Variants in AVL9 observed in about 807,000 individuals in gnomAD.
The protein encoded by AVL9 is AVL9 cell migration associated, also known as late secretory pathway protein AVL9 homolog.
In AVL9, 49 loss-of-function variants were observed where a neutral mutation model predicts 79.2. The ratio of observed to expected loss-of-function variants is 0.62; its 90% confidence interval spans 0.49 to 0.79. The LOEUF (loss-of-function observed/expected upper bound fraction) is 0.79, where lower values mean the gene tolerates loss of function less well. AVL9 is among the 30% of genes least tolerant of loss of function. AVL9 has a pLI of 0.00. For missense variants in AVL9, 682 were observed against 776.8 expected, an observed-to-expected ratio of 0.88 and a Z score of 1.45; for synonymous variants, 299 against 280.6, an observed-to-expected ratio of 1.07 and a Z score of -0.65.
Position 32,576,570 on chromosome 7 carries a change from G to A in AVL9, c.1688+498G>A, listed in dbSNP as rs186826751. 4.6e-5 allele frequency among the ~76,000 whole-genome samples: 7 copies of A among 152,060 alleles called. No homozygotes were observed. The East Asian group carries it at 1.4e-3, about 30-fold the overall frequency. On this transcript the variant is annotated intron_variant, in intron 13 of 15. Transcript: ENST00000318709. ...AGGCCGAGGTGGGCAGATCACCTGA[G>A]GTCGGGAGTTCAAGACCAGCCTGGC...
At chr7:32,582,954 G>A (rs779357765) in intron 15 of AVL9, among the ~76,000 whole-genome samples, 1 of 152,212 alleles carries the variant, frequency 6.6e-6, no homozygotes, top group Non-Finnish European at 1.5e-5. Context: ...AAAGTGCTGG[G>A]ATTACAGGTG....
At chr7:32,498,588 AT>A (rs781171079) in intron 1 of AVL9, among the ~76,000 whole-genome samples, 6 of 151,448 alleles carry the variant, frequency 4.0e-5, no homozygotes, top group Admixed American at 2.0e-4. Context: ...ATGAACATCT[AT>A]TAACTTTATC....
At chr7:32,562,348 A>G (rs527384463) in intron 10 of AVL9, among the ~76,000 whole-genome samples, 2 of 152,196 alleles carry the variant, frequency 1.3e-5, no homozygotes, top group Non-Finnish European at 2.9e-5. Context: ...ACAAATACAA[A>G]TATTATACAT....
At chr7:32,503,572 A>AAAC (rs1554332791) in intron 1 of AVL9, among the ~76,000 whole-genome samples, 1 of 150,044 alleles carries the variant, frequency 6.7e-6, no homozygotes, top group African/African-American at 2.5e-5. Context: ...AAAAAAAAAA[A>AAAC]AAAACTAGAT....
At chr7:32,582,354 T>C (rs528138392) in intron 15 of AVL9, among the ~76,000 whole-genome samples, 1 of 141,710 alleles carries the variant, frequency 7.1e-6, no homozygotes, top group Non-Finnish European at 1.6e-5. Flanking sequence ...ATATCCCTAG[T>C]TTTCTGAATA....
Position 32,580,658 on chromosome 7 carries a change from A to G in AVL9, c.1743-144A>G, listed in dbSNP as rs1791453822. On this transcript the variant is annotated intron_variant, in intron 14 of 15. Coordinates refer to ENST00000318709, the MANE Select transcript of AVL9 (RefSeq NM_015060.3). ...TTAATAAATTAATTCATAACAAATA[A>G]TAATTTAGCTTCTTTTCTCAGTAAT... The G allele has an allele frequency of 1.6e-5, 10 of 611,682 alleles. No homozygotes were observed. The South Asian group carries it at 2.0e-4, about 12-fold the overall frequency. The allele number at this position is 611,682 out of a possible 1,614,324, so 37.9% of individuals were successfully genotyped here. A position where few individuals can be genotyped will look rare whatever the true frequency, so the allele number is the denominator to read the frequency against.
At chr7:32,525,968 A>C (rs980524594) in intron 1 of AVL9, among the ~76,000 whole-genome samples, 1 of 152,094 alleles carries the variant, frequency 6.6e-6, no homozygotes, top group Non-Finnish European at 1.5e-5. Context: ...ATTGAGTGAA[A>C]AGGGAAAAAA....
intron 1 of AVL9, among the ~76,000 whole-genome samples, chr7:32,518,941 A>T (rs1387383193): frequency 6.6e-6 from 1 of 152,236 alleles, no homozygotes; most frequent in Non-Finnish European, 1.5e-5. Context: ...AAATTCAATA[A>T]TCTGTTTCTT....
At chr7:32,509,457 T>C (rs769780439) in intron 1 of AVL9, among the ~76,000 whole-genome samples, 1 of 152,120 alleles carries the variant, frequency 6.6e-6, no homozygotes, top group Non-Finnish European at 1.5e-5. Context: ...GAAAACAGAT[T>C]AACGCTTTTT....
chr7:32,552,197 A>T, intron 5 of AVL9, 32 bp from the exon 6 acceptor site: 1 of 1,330,232 alleles, frequency 7.5e-7, no homozygotes, highest in Non-Finnish European at 1.1e-6. Flanking sequence ...AAATGATAGT[A>T]AAATGTGCTA....
Position 32,549,119 on chromosome 7 carries a change from T to C in AVL9, c.372+201T>C, listed in dbSNP as rs559493991. ...ACTTGGTAAGAGAAAGGAGATCTTA[T>C]AGCTATTGGAAAGTAAGTTGACACA... On this transcript the variant is annotated intron_variant, in intron 4 of 15. Transcript: ENST00000318709. 1.0e-3 allele frequency among the ~76,000 whole-genome samples: 154 copies of C among 151,982 alleles called. 1 individual carries two copies. The highest frequency in any genetic ancestry group is 1.6e-3 in the Non-Finnish European group (110 of 67,976).
At chr7:32,525,074 G>A (rs1788342722) in intron 1 of AVL9, among the ~76,000 whole-genome samples, 1 of 152,182 alleles carries the variant, frequency 6.6e-6, no homozygotes. Flanking sequence ...GTTCTCATGA[G>A]CTGTTTGGCT....
chr7:32,529,356 G>A lies in AVL9; in HGVS notation c.94-13785G>A, dbSNP rs556333352. On this transcript the variant is annotated intron_variant, in intron 1 of 15. Transcript: ENST00000318709. ...AGGTAAACTGGGTCCCTTCTGATTG[G>A]TTGCTGTAAATCTCCTGGTTTTAGG... Among the ~76,000 whole-genome samples, 17 of 152,314 alleles carry A rather than the reference G, an allele frequency of 1.1e-4. No individual in the cohort carries two copies. In the South Asian group the frequency reaches 3.3e-3, roughly 30 times the overall value.
At chr7:32,505,036 G>C (rs188734655) in intron 1 of AVL9, among the ~76,000 whole-genome samples, 1 of 151,516 alleles carries the variant, frequency 6.6e-6, no homozygotes, top group Admixed American at 6.6e-5. Context: ...ACCATGCCCC[G>C]CTAATTTTTG....
intron 1 of AVL9, among the ~76,000 whole-genome samples, chr7:32,498,622 A>G (rs574455734): frequency 7.0e-6 from 1 of 143,390 alleles, no homozygotes; most frequent in East Asian, 2.1e-4. Context: ...TTTTTTTTTC[A>G]CTTTTATTTG....
intron 1 of AVL9, 46 bp from the exon 2 acceptor site, chr7:32,543,095 T>G: frequency 6.2e-7 from 1 of 1,609,220 alleles, no homozygotes. Context: ...AATAAAATGC[T>G]TCCTTTGGTC....
chr7:32,573,477 CATTT>C (rs1790952044), intron 12 of AVL9, 59 bp downstream of exon 12: 7 of 1,459,004 alleles, frequency 4.8e-6, no homozygotes, highest in Non-Finnish European at 6.6e-6. Flanking sequence ...CATTTTGTAA[CATTT>C]ATGAGATTTT....
chr7:32,565,274 A>G (rs958657780), intron 10 of AVL9, among the ~76,000 whole-genome samples: 2 of 152,192 alleles, frequency 1.3e-5, no homozygotes, highest in Admixed American at 6.6e-5. Context: ...AATTACCTCA[A>G]TGCGACTGGG....
chr7:32,522,050 A>C (rs1382201493), intron 1 of AVL9, among the ~76,000 whole-genome samples: 1 of 152,226 alleles, frequency 6.6e-6, no homozygotes, highest in Non-Finnish European at 1.5e-5. Flanking sequence ...ATGTATGGAA[A>C]TGTCTAGATG....
Sources: gnomAD v4.1 joint callset for allele counts (sites outside exome capture counted in the v4.1 genomes callset) on GRCh38, gnomAD v4.1.1 for gene constraint, MANE v1.5 for transcripts, NCBI Gene and HGNC (gene_info 2026-07-23, HGNC 2026-07-21) for gene names.